The following CTBS variants were observed in gnomAD, a reference collection of about 807,000 sequenced individuals.
CTBS encodes di-N-acetylchitobiase.
CTBS carries 35 observed loss-of-function variants against 44.3 expected under a neutral mutation model. The observed-to-expected ratio is 0.79, with a 90% CI of 0.60 to 1.05. The LOEUF is 1.05. Ranked by LOEUF, CTBS falls within the 50% of genes least tolerant of loss-of-function variation. The pLI, the probability that CTBS is intolerant of heterozygous loss-of-function variation, is 0.00. For missense variants in CTBS, 458 were observed against 475.3 expected, an observed-to-expected ratio of 0.96 and a Z score of 0.34; for synonymous variants, 143 against 168.0, an observed-to-expected ratio of 0.85 and a Z score of 1.15.
Position 84,554,962 on chromosome 1 carries a change from T to A in CTBS, c.*37A>T. ...AAGAAACTAGATCTGTTGATACAGATCATCTTTCTAACTCTTAATGGTTTG... is the reference window on the plus strand; with the variant it reads ...AAGAAACTAGATCTGTTGATACAGAACATCTTTCTAACTCTTAATGGTTTG... On this transcript the variant is annotated 3_prime_UTR_variant, in exon 7 of 7. Transcript: ENST00000370630. 6.5e-7 allele frequency: 1 copy of A among 1,545,116 alleles called. No homozygotes were observed. Among genetic ancestry groups the A allele is most frequent in the Non-Finnish European group, 8.9e-7 (1 of 1,120,748 alleles).
At position 84,549,840 on chromosome 1, in the gene CTBS, C is replaced by G. The variant is rs1403026978; in HGVS notation, c.*5159G>C. The G allele has an allele frequency of 2.7e-5, 4 of 150,062 alleles. No individual in the cohort carries two copies. Among genetic ancestry groups the G allele is most frequent in the Admixed American group, 2.7e-4 (4 of 15,040 alleles). The allele number at this position is 150,062 out of a possible 1,614,324, so 9.3% of individuals were successfully genotyped here. ...AAATTTAATATAAAGTCCAAATAGG[C>G]TCAAGTAATGGTTTGTCCATAGTAG... On this transcript the variant is annotated 3_prime_UTR_variant, in exon 7 of 7. Coordinates refer to ENST00000370630, the MANE Select transcript of CTBS (RefSeq NM_004388.3).
rs1570461797 is a variant in CTBS, at chr1:84,554,233, T to C, written c.*766A>G. The C allele has an allele frequency of 6.7e-6, 1 of 149,294 alleles. No individual in the cohort carries two copies. The highest frequency in any genetic ancestry group is 2.1e-4 in the South Asian group (1 of 4,798). The allele number at this position is 149,294 out of a possible 1,614,324, so 9.2% of individuals were successfully genotyped here. A position where few individuals can be genotyped will look rare whatever the true frequency, so the allele number is the denominator to read the frequency against. Reference sequence around the variant, plus strand: ...AAATGAAGAAATGAATAATTAGAAGTGTGACAGTGAACAGAATCAAGTTCA... The same window carrying C: ...AAATGAAGAAATGAATAATTAGAAGCGTGACAGTGAACAGAATCAAGTTCA... On this transcript the variant is annotated 3_prime_UTR_variant, in exon 7 of 7. Coordinates refer to ENST00000370630, the MANE Select transcript of CTBS (RefSeq NM_004388.3).
At chr1:84,564,288 G>T (rs1456330452) in intron 4 of CTBS, among the ~76,000 whole-genome samples, 1 of 152,136 alleles carries the variant, frequency 6.6e-6, no homozygotes, top group African/African-American at 2.4e-5. Context: ...GTAAGCTGGG[G>T]ATAAGAAATG....
intron 6 of CTBS, among the ~76,000 whole-genome samples, chr1:84,559,153 T>C (rs1382777373): frequency 6.6e-6 from 1 of 152,196 alleles, no homozygotes; most frequent in Non-Finnish European, 1.5e-5. Flanking sequence ...CTGGTGCCAT[T>C]TTTCCAACAG....
chr1:84,570,319 A>G (rs183164596), intron 2 of CTBS, among the ~76,000 whole-genome samples, 180 bp from the exon 3 acceptor site: 1 of 152,376 alleles, frequency 6.6e-6, no homozygotes, highest in African/African-American at 2.4e-5. Context: ...TTCTGAAGTT[A>G]GAAACAGAAA....
chr1:84,571,125 G>C (rs1223954084), intron 1 of CTBS, among the ~76,000 whole-genome samples: 2 of 152,188 alleles, frequency 1.3e-5, no homozygotes, highest in African/African-American at 4.8e-5. Flanking sequence ...GGTAAAGGGA[G>C]AGAATAAAAG....
Position 84,565,986 on chromosome 1 carries a change from T to C in CTBS, c.552A>G (p.Pro184=). ...TATAGCATCTTCTGTCTATGTTCTT[T>C]GGAGACCAAGCTACATCAAAGGTTA... ...SQVTFDVAWS[P]KNIDRRCYNY... is the part of the protein sequence containing the mutation. Residue 184 remains proline (P), a synonymous_variant, in exon 4 of 7, where the codon CCA becomes CCG. Transcript: ENST00000370630. 6.4e-7 allele frequency: 1 copy of C among 1,568,406 alleles called. No individual in the cohort carries two copies. Among genetic ancestry groups the C allele is most frequent in the Non-Finnish European group, 8.6e-7 (1 of 1,158,468 alleles).
In CTBS at chr1:84,550,299, T is replaced by C. The variant is rs1019439054; in HGVS notation, c.*4700A>G. 9.2e-6 allele frequency: 4 copies of C among 436,726 alleles called. No homozygotes were observed. The highest frequency in any genetic ancestry group is 1.6e-5 in the Non-Finnish European group (4 of 251,284). 27.1% of individuals were successfully genotyped at this position (436,726 alleles called of 1,614,324 possible). ...AGTAATTTCTCCAAAGCAATTTAGT[T>C]TACTTTACGGAATAGGTTATTTTCA... On this transcript the variant is annotated 3_prime_UTR_variant, in exon 7 of 7. Transcript: ENST00000370630.
In CTBS at chr1:84,552,833, T is replaced by C; in HGVS notation, c.*2166A>G. On this transcript the variant is annotated 3_prime_UTR_variant, in exon 7 of 7. Coordinates refer to ENST00000370630, the MANE Select transcript of CTBS (RefSeq NM_004388.3). ...AAACAAGGTTACCTTATAGCATATC[T>C]CACCAGTAGATAAGCATGCTTATTA... 4.2e-6 allele frequency: 2 copies of C among 478,468 alleles called. No homozygotes were observed. Among genetic ancestry groups the C allele is most frequent in the South Asian group, 5.6e-5 (2 of 35,524 alleles). The allele number at this position is 478,468 out of a possible 1,614,324, so 29.6% of individuals were successfully genotyped here.
At chr1:84,566,215 A>G (rs1684696873) in intron 3 of CTBS, 1 of 246,040 alleles carries the variant, frequency 4.1e-6, no homozygotes, top group Non-Finnish European at 7.6e-6. Flanking sequence ...AGTCAGACAT[A>G]TATTTGGACA....
In CTBS at chr1:84,555,272, AAAG is replaced by A. The variant is rs372730923; in HGVS notation, c.958-76_958-74del. 236 of 1,201,856 alleles carry A rather than the reference AAAG, an allele frequency of 2.0e-4. 1 individual carries two copies. The African/African-American group carries it at 3.1e-3, about 16-fold the overall frequency. 74.4% of individuals were successfully genotyped at this position (1,201,856 alleles called of 1,614,324 possible). A position where few individuals can be genotyped will look rare whatever the true frequency, so the allele number is the denominator to read the frequency against. ...CAGCACCACAGGAAAGGGAAAAATA[AAAG>A]AAGTATACAGTACAGTAAGAGGGAA... On this transcript the variant is annotated intron_variant, in intron 6 of 6. Coordinates refer to ENST00000370630, the MANE Select transcript of CTBS (RefSeq NM_004388.3).
At chr1:84,556,466 AC>A (rs1310521442) in intron 6 of CTBS, among the ~76,000 whole-genome samples, 1 of 152,094 alleles carries the variant, frequency 6.6e-6, no homozygotes, top group African/African-American at 2.4e-5. Context: ...TAATACCAGC[AC>A]TTTGGGAGGC....
rs1478078697 is a variant in CTBS, at chr1:84,553,167, T to C, written c.*1832A>G. ...TTTTATTTGTAAAAAAATTTAAATA[T>C]GTATTTGAACAGATTTGTTTAACCA... On this transcript the variant is annotated 3_prime_UTR_variant, in exon 7 of 7. Transcript: ENST00000370630. The C allele has an allele frequency of 4.4e-6, 5 of 1,147,924 alleles. No homozygotes were observed. The South Asian group carries it at 4.5e-5, about 10-fold the overall frequency. The allele number at this position is 1,147,924 out of a possible 1,614,324, so 71.1% of individuals were successfully genotyped here. A position where few individuals can be genotyped will look rare whatever the true frequency, so the allele number is the denominator to read the frequency against.
chr1:84,563,330 A>G lies in CTBS; in HGVS notation c.884T>C (p.Met295Thr). 2 of 1,599,780 alleles carry G rather than the reference A, an allele frequency of 1.3e-6. No homozygotes were observed. Among genetic ancestry groups the G allele is most frequent in the Non-Finnish European group, 1.7e-6 (2 of 1,173,552 alleles). Residue 295 changes from methionine to threonine, a missense_variant, in exon 6 of 7, where the codon ATG becomes ACG. Coordinates refer to ENST00000370630, the MANE Select transcript of CTBS (RefSeq NM_004388.3). ...AGRQVPYKTI[M>T]KQINSSISGN... ...AGAAATAGAACTATTTATTTGCTTC[A>G]TGATCGTTTTGTAGGGCACCTGACG...
In CTBS at chr1:84,574,333, AGCAGCG is replaced by A; in HGVS notation, c.77_82del (p.Ala26_Leu28delinsVal). 1 of 1,569,348 alleles carries A rather than the reference AGCAGCG, an allele frequency of 6.4e-7. No individual in the cohort carries two copies. The highest frequency in any genetic ancestry group is 8.6e-7 in the Non-Finnish European group (1 of 1,157,676). ...CGCGAGCCGCAGCGCCAGCAGCGCC[AGCAGCG>A]CCAGCAGCGCTAGACCCGGGACGCC... On this transcript the variant is annotated inframe_deletion, in exon 1 of 7. Coordinates refer to ENST00000370630, the MANE Select transcript of CTBS (RefSeq NM_004388.3).
At chr1:84,571,459 C>G (rs1271278686) in intron 1 of CTBS, among the ~76,000 whole-genome samples, 4 of 152,202 alleles carry the variant, frequency 2.6e-5, no homozygotes, top group Non-Finnish European at 5.9e-5. Flanking sequence ...TTTGGTGAAG[C>G]TAGCTTCTTA....
intron 6 of CTBS, among the ~76,000 whole-genome samples, chr1:84,556,702 C>T (rs1684441938): frequency 8.0e-6 from 1 of 124,892 alleles, no homozygotes; most frequent in South Asian, 2.8e-4. Flanking sequence ...CAGAGCAAGA[C>T]TCCGTCTCAA....
rs1179251819 is a variant in CTBS, at chr1:84,554,120, T to C, written c.*879A>G. The C allele has an allele frequency of 6.6e-6, 1 of 151,538 alleles. No homozygotes were observed. The highest frequency in any genetic ancestry group is 2.4e-5 in the African/African-American group (1 of 41,240). The allele number at this position is 151,538 out of a possible 1,614,324, so 9.4% of individuals were successfully genotyped here. On this transcript the variant is annotated 3_prime_UTR_variant, in exon 7 of 7. Coordinates refer to ENST00000370630, the MANE Select transcript of CTBS (RefSeq NM_004388.3). ...AGCGAGACCCTGTCTCTACAAAAAA[T>C]AAAAATAAAAAAGATACATTGCAGA...
In CTBS at chr1:84,557,558, A is replaced by AG. The variant is rs1394025329; in HGVS notation, c.958-2360_958-2359insC. On this transcript the variant is annotated intron_variant, in intron 6 of 6. Transcript: ENST00000370630. ...CAAAAAAAAAAAAAAAAAAAAGAAA[A>AG]AAAAAAAAAGAAGGAGGCTGGGCGC... 4.8e-4 allele frequency among the ~76,000 whole-genome samples: 71 copies of AG among 149,242 alleles called. 1 individual carries two copies. Among genetic ancestry groups the AG allele is most frequent in the African/African-American group, 1.6e-3 (64 of 40,640 alleles).
Sources: allele counts gnomAD v4.1 joint callset (sites outside exome capture counted in the v4.1 genomes callset), GRCh38; gene constraint gnomAD v4.1.1; transcripts MANE v1.5; gene names NCBI Gene and HGNC (gene_info 2026-07-23, HGNC 2026-07-21).